The following ANO5 variants were observed in gnomAD, a reference collection of about 807,000 sequenced individuals.
The protein encoded by ANO5 is anoctamin 5.
ANO5 carries 109 observed loss-of-function variants against 121.0 expected under a neutral mutation model. The ratio of observed to expected loss-of-function variants is 0.90; its 90% CI spans 0.77 to 1.06. ANO5 has a LOEUF of 1.06. Ranked by LOEUF, ANO5 falls within the 50% of genes least tolerant of loss-of-function variation. The pLI is 0.00. For synonymous variants in ANO5, 406 were observed against 359.9 expected (o/e 1.13, Z -1.45); for missense variants, 1,064 against 1,078.5 (o/e 0.99, Z 0.19).
intron 12 of ANO5, among the ~76,000 whole-genome samples, chr11:22,252,029 C>CAAAAAAAAAAAAAAAAAAAAAAA (rs10525160): frequency 8.7e-5 from 4 of 45,854 alleles, no homozygotes; most frequent in African/African-American, 2.7e-4. Context: ...GACGCCGTCT[C>CAAAAAAAAAAAAAAAAAAAAAAA]AAAAAAAAAA....
chr11:22,240,108 A>T (rs537842594), intron 9 of ANO5, among the ~76,000 whole-genome samples: 1 of 152,040 alleles, frequency 6.6e-6, no homozygotes, highest in African/African-American at 2.4e-5. Flanking sequence ...TGTTTAATAC[A>T]TATTAGTTTT....
intron 1 of ANO5, among the ~76,000 whole-genome samples, chr11:22,197,823 T>G (rs1265451459): frequency 6.6e-6 from 1 of 152,190 alleles, no homozygotes; most frequent in Non-Finnish European, 1.5e-5. Flanking sequence ...TTCATATCCC[T>G]GGAATCTAGC....
chr11:22,270,208 A>C (rs1190896121), intron 17 of ANO5, 104 bp from the exon 18 acceptor site: 1 of 1,420,658 alleles, frequency 7.0e-7, no homozygotes, highest in Non-Finnish European at 9.7e-7. Flanking sequence ...ATCTTAAGTT[A>C]TTTAATCTCT....
intron 13 of ANO5, 42 bp from the exon 14 acceptor site, chr11:22,257,638 G>T: frequency 6.7e-7 from 1 of 1,501,950 alleles, no homozygotes. Context: ...TTGACTTAGA[G>T]GGGAGATTTT....
chr11:22,240,395 T>A (rs1853389761), intron 9 of ANO5, among the ~76,000 whole-genome samples: 1 of 152,084 alleles, frequency 6.6e-6, no homozygotes, highest in Non-Finnish European at 1.5e-5. Context: ...TTTTCCTTGA[T>A]GATTTATACT....
intron 2 of ANO5, 56 bp from the exon 3 acceptor site, chr11:22,211,208 C>G: frequency 6.3e-7 from 1 of 1,577,582 alleles, no homozygotes; most frequent in Non-Finnish European, 8.7e-7. Flanking sequence ...TAAAAGCACC[C>G]TTTGCTCCAC....
intron 12 of ANO5, among the ~76,000 whole-genome samples, chr11:22,254,239 G>T (rs1853918458): frequency 6.6e-6 from 1 of 152,036 alleles, no homozygotes. Context: ...ATATAATTAG[G>T]ATTTTTAAAA....
At position 22,282,817 on chromosome 11, in the gene ANO5, A is replaced by AT. The variant is rs1433798063; in HGVS notation, c.*3054dup. 1 of 152,194 alleles carries AT rather than the reference A, an allele frequency of 6.6e-6. No homozygotes were observed. The highest frequency in any genetic ancestry group is 2.4e-5 in the African/African-American group (1 of 41,452). 9.4% of individuals were successfully genotyped at this position (152,194 alleles called of 1,614,324 possible). A position where few individuals can be genotyped will look rare whatever the true frequency, so the allele number is the denominator to read the frequency against. On this transcript the variant is annotated 3_prime_UTR_variant, in exon 22 of 22. Transcript: ENST00000324559. ...TGAAGGTGAGAAATCTGTACCAATC[A>AT]TTCAAAAAGGGAATCTATTGTTTTG...
intron 4 of ANO5, among the ~76,000 whole-genome samples, chr11:22,220,702 C>T (rs1294159699): frequency 6.6e-6 from 1 of 151,900 alleles, no homozygotes; most frequent in East Asian, 1.9e-4. Flanking sequence ...TATAGTGAGA[C>T]TCCATTAATT....
In ANO5 at chr11:22,254,355, T is replaced by A. The variant is rs559253657; in HGVS notation, c.1181-1016T>A. 2.6e-5 allele frequency among the ~76,000 whole-genome samples: 4 copies of A among 152,198 alleles called. No individual in the cohort carries two copies. In the East Asian group the frequency reaches 7.7e-4, roughly 29 times the overall value. ...TACAATTATGAGTTAATATTGGAGG[T>A]GTTAGTATTCTCTTCCTAAGTATAT... On this transcript the variant is annotated intron_variant, in intron 12 of 21. Transcript: ENST00000324559.
At chr11:22,269,117 T>G in intron 17 of ANO5, among the ~76,000 whole-genome samples, 4 of 127,828 alleles carry the variant, frequency 3.1e-5, no homozygotes, top group Admixed American at 8.4e-5. Context: ...AGGGAGGGAT[T>G]AAAGAAAGGA....
intron 5 of ANO5, among the ~76,000 whole-genome samples, chr11:22,222,869 C>T (rs1490017217): frequency 6.6e-6 from 1 of 151,914 alleles, no homozygotes; most frequent in African/African-American, 2.4e-5. Context: ...TCTGTTTTCT[C>T]CCACTTTCTT....
intron 6 of ANO5, among the ~76,000 whole-genome samples, chr11:22,226,344 A>G (rs1394792954): frequency 6.6e-6 from 1 of 152,126 alleles, no homozygotes; most frequent in Non-Finnish European, 1.5e-5. Flanking sequence ...AAGTCTGCCT[A>G]TAATCTGGTA....
intron 17 of ANO5, 93 bp downstream of exon 17, chr11:22,263,136 T>C (rs1854252548): frequency 9.4e-7 from 1 of 1,062,284 alleles, no homozygotes; most frequent in Non-Finnish European, 1.4e-6. Flanking sequence ...CCATGGTGCC[T>C]TTGTTAGAAA....
intron 15 of ANO5, 104 bp from the exon 16 acceptor site, chr11:22,262,025 A>T: frequency 9.1e-7 from 1 of 1,103,750 alleles, no homozygotes; most frequent in Non-Finnish European, 1.3e-6. Context: ...AGCATTCTAT[A>T]GGCTCCCAGA....
chr11:22,266,608 A>G (rs759707947), intron 17 of ANO5, among the ~76,000 whole-genome samples: 8 of 152,004 alleles, frequency 5.3e-5, no homozygotes, highest in Admixed American at 3.3e-4. Context: ...CTACTTGTCA[A>G]TCTTTTTTCA....
At chr11:22,212,298 T>C (rs956299792) in intron 3 of ANO5, among the ~76,000 whole-genome samples, 3 of 151,894 alleles carry the variant, frequency 2.0e-5, no homozygotes, top group Admixed American at 2.0e-4. Flanking sequence ...GTTGAAAATA[T>C]GAAACAAAGT....
At chr11:22,279,418 T>G (rs1854990062) in intron 21 of ANO5, 126 bp from the exon 22 acceptor site, 1 of 764,422 alleles carries the variant, frequency 1.3e-6, no homozygotes, top group African/African-American at 1.7e-5. Flanking sequence ...GACCATATCT[T>G]CTTCCTTGCC....
intron 17 of ANO5, among the ~76,000 whole-genome samples, chr11:22,263,731 T>C (rs1353563142): frequency 3.3e-5 from 5 of 152,186 alleles, no homozygotes; most frequent in South Asian, 2.1e-4. Context: ...GGGTTTGGCA[T>C]GCAATACAAA....
Sources: allele counts gnomAD v4.1 joint callset (sites outside exome capture counted in the v4.1 genomes callset), GRCh38; gene constraint gnomAD v4.1.1; transcripts MANE v1.5; gene names NCBI Gene and HGNC (gene_info 2026-07-23, HGNC 2026-07-21).